ABR: variants seen among roughly 807,000 people sequenced by gnomAD.
The protein encoded by ABR is active breakpoint cluster region-related protein.
In ABR, 35 loss-of-function variants were observed where a neutral mutation model predicts 107.2. That is an observed-to-expected ratio of 0.33 (90% CI 0.25 to 0.43). The LOEUF is 0.43. Among genes scored for constraint, ABR ranks in the 20% least tolerant of loss-of-function variants. The pLI is 1.00. For synonymous variants in ABR, 498 were observed against 462.0 expected, an observed-to-expected ratio of 1.08 and a Z score of -1.00; for missense variants, 815 against 1,115.2, an observed-to-expected ratio of 0.73 and a Z score of 3.83.
intron 2 of ABR, among the ~76,000 whole-genome samples, chr17:1,117,836 T>C (rs2039098281): frequency 3.8e-5 from 3 of 79,932 alleles, no homozygotes; most frequent in Non-Finnish European, 4.7e-5. Context: ...TCCCTGAGCC[T>C]GAGTCCCTCC....
chr17:1,085,530 A>G (rs767025770), intron 4 of ABR, among the ~76,000 whole-genome samples: 13 of 152,190 alleles, frequency 8.5e-5, no homozygotes, highest in Non-Finnish European at 1.6e-4. Context: ...AGTTGAACTA[A>G]TAACAGTGTG....
At chr17:1,211,558 C>G (rs1442177167) in intron 1 of ABR, among the ~76,000 whole-genome samples, 1 of 152,174 alleles carries the variant, frequency 6.6e-6, no homozygotes, top group African/African-American at 2.4e-5. Context: ...TAGATTTCCT[C>G]ATTAATCCCC....
chr17:1,150,532 G>C lies in ABR; in HGVS notation c.62-25165C>G, dbSNP rs2040749395. On this transcript the variant is annotated intron_variant, in intron 1 of 22. Coordinates refer to ENST00000302538, the MANE Select transcript of ABR (RefSeq NM_021962.5). This position sits in a 1 kb window ranked among gnomAD's most constrained non-coding sequence, Gnocchi z 4.8. Reference sequence around the variant, plus strand: ...TACACAGGTTGCCCAAGCGCCGAGAGAGGCCCAGGAGGACGGGCCCCGGGC... The same window carrying C: ...TACACAGGTTGCCCAAGCGCCGAGACAGGCCCAGGAGGACGGGCCCCGGGC... Among the ~76,000 whole-genome samples the C allele has an allele frequency of 6.6e-6, 1 of 152,184 alleles. No homozygotes were observed. The highest frequency in any genetic ancestry group is 1.5e-5 in the Non-Finnish European group (1 of 68,032).
rs1247707075 is a variant in ABR at position 1,070,054 on chromosome 17, C to T, written c.931G>A (p.Val311Met). Residue 311 changes from valine (V) to methionine (M), a missense_variant, in exon 9 of 23, where the codon GTG becomes ATG. By Grantham distance (21) the Val-to-Met change is conservative (BLOSUM62 1). Coordinates refer to ENST00000302538, the MANE Select transcript of ABR (RefSeq NM_021962.5). The surrounding 1 kb of genome is among the most constrained non-coding windows in gnomAD (Gnocchi z 4.2). ...CGCAGCTTCCGGGAGCTCTCTGACA[C>T]TTCCACCAGGAAGCCGTCCTTCACC... ...QLVKDGFLVE[V>M]SESSRKLRHV... 1 of 1,613,676 alleles carries T rather than the reference C, an allele frequency of 6.2e-7. No homozygotes were observed. Among genetic ancestry groups the T allele is most frequent in the Non-Finnish European group, 8.5e-7 (1 of 1,179,960 alleles).
chr17:1,165,148 G>C (rs1044774937), intron 1 of ABR, among the ~76,000 whole-genome samples: 2 of 152,164 alleles, frequency 1.3e-5, no homozygotes, highest in Non-Finnish European at 2.9e-5. Flanking sequence ...CAAAGACCAA[G>C]CTCCCGGCCT....
chr17:1,198,951 G>A (rs1305866790), intron 1 of ABR, among the ~76,000 whole-genome samples: 1 of 149,544 alleles, frequency 6.7e-6, no homozygotes, highest in Non-Finnish European at 1.5e-5. Context: ...CTACTTGGGA[G>A]GCTGAGGTAG....
At chr17:1,214,658 A>G (rs1052169525) in intron 1 of ABR, among the ~76,000 whole-genome samples, 3 of 151,858 alleles carry the variant, frequency 2.0e-5, no homozygotes. Flanking sequence ...AAAATTAGCC[A>G]GGCGTAGTGG....
upstream of ABR, chr17:1,180,001 C>T (rs4076807): frequency 9.5e-6 from 1 of 105,122 alleles, no homozygotes; most frequent in Non-Finnish European, 1.9e-5. Flanking sequence ...GGGGGCGGGG[C>T]GGGGGTGGGG....
At chr17:1,068,728 G>C (rs185673841) in intron 9 of ABR, among the ~76,000 whole-genome samples, 182 of 152,254 alleles carry the variant, frequency 1.2e-3, no homozygotes, top group African/African-American at 4.1e-3. Context: ...CCACCCTCCC[G>C]GGTAGAGAGA....
At chr17:1,185,377 G>C (rs763100405) in intron 1 of ABR, among the ~76,000 whole-genome samples, 8 of 152,170 alleles carry the variant, frequency 5.3e-5, no homozygotes, top group African/African-American at 9.7e-5. Flanking sequence ...AGGCACAGTG[G>C]CTCACGCCTG....
chr17:1,229,224 C>T (rs982971123), exon 1 of ABR, among the ~76,000 whole-genome samples: 1 of 151,634 alleles, frequency 6.6e-6, no homozygotes, highest in African/African-American at 2.4e-5. Context: ...GTCGTCCTCC[C>T]GGGCCCGGAA....
rs1458075931 is a variant in ABR, at chr17:1,157,343, C to T, written c.61+22324G>A. 1.3e-5 allele frequency among the ~76,000 whole-genome samples: 2 copies of T among 151,942 alleles called. No homozygotes were observed. Among genetic ancestry groups the T allele is most frequent in the African/African-American group, 4.8e-5 (2 of 41,416 alleles). ...TTAGCTCACTGCAACCTCCACCTCC[C>T]GGGTTCAAGTAATTCTCCTGCCTCA... On this transcript the variant is annotated intron_variant, in intron 1 of 22. Transcript: ENST00000302538. The surrounding 1 kb of genome is among the most constrained non-coding windows in gnomAD (Gnocchi z 4.7).
chr17:1,167,968 A>G (rs2041576706), intron 1 of ABR, among the ~76,000 whole-genome samples: 2 of 152,010 alleles, frequency 1.3e-5, no homozygotes, highest in South Asian at 2.1e-4. Flanking sequence ...CCTGGCCAAC[A>G]TGGTGAAACC....
At chr17:1,132,589 G>C (rs1597925331) in intron 1 of ABR, among the ~76,000 whole-genome samples, 1 of 151,854 alleles carries the variant, frequency 6.6e-6, no homozygotes, top group African/African-American at 2.4e-5. Context: ...GTGTTAGCCG[G>C]GATGGTCTCC....
At chr17:1,082,678 T>C (rs991820242) in intron 5 of ABR, among the ~76,000 whole-genome samples, 1 of 152,192 alleles carries the variant, frequency 6.6e-6, no homozygotes, top group African/African-American at 2.4e-5. Context: ...TAGTCCAAAT[T>C]TCCTCAAGAC....
intron 1 of ABR, among the ~76,000 whole-genome samples, chr17:1,127,742 G>A (rs994462110): frequency 4.6e-5 from 7 of 152,082 alleles, no homozygotes; most frequent in Admixed American, 2.0e-4. Context: ...CCCAGGGGTC[G>A]CAGGAATGGA....
chr17:1,145,673 A>G (rs9905166), intron 1 of ABR, among the ~76,000 whole-genome samples: 2,065 of 152,338 alleles, frequency 0.014, 34 homozygotes, highest in African/African-American at 0.046. Flanking sequence ...CAGAGAACAG[A>G]CAAGTAATGC....
rs2036463809 is a variant in ABR, at chr17:1,084,444, TCACCTCTTC to T, written c.532-826_532-818del. ...TTCCCTTGGCCTTGAGGCCCCGTCC[TCACCTCTTC>T]CACCTCCTCTACCTCCAAGGAGCCA... On this transcript the variant is annotated intron_variant, in intron 4 of 22. Transcript: ENST00000302538. This position sits in a 1 kb window ranked among gnomAD's most constrained non-coding sequence, Gnocchi z 4.2. Among the ~76,000 whole-genome samples, 1 of 152,192 alleles carries T rather than the reference TCACCTCTTC, an allele frequency of 6.6e-6. No homozygotes were observed. The highest frequency in any genetic ancestry group is 2.4e-5 in the African/African-American group (1 of 41,458).
In ABR at chr17:1,150,547, G is replaced by A. The variant is rs897867484; in HGVS notation, c.62-25180C>T. Reference sequence around the variant, plus strand: ...AGCGCCGAGAGAGGCCCAGGAGGACGGGCCCCGGGCATGGCAAGCGCACTG... The same window carrying A: ...AGCGCCGAGAGAGGCCCAGGAGGACAGGCCCCGGGCATGGCAAGCGCACTG... On this transcript the variant is annotated intron_variant, in intron 1 of 22. Coordinates refer to ENST00000302538, the MANE Select transcript of ABR (RefSeq NM_021962.5). The surrounding 1 kb of genome is among the most constrained non-coding windows in gnomAD (Gnocchi z 4.8). Among the ~76,000 whole-genome samples, 2 of 152,148 alleles carry A rather than the reference G, an allele frequency of 1.3e-5. No individual in the cohort carries two copies. Among genetic ancestry groups the A allele is most frequent in the South Asian group, 4.1e-4 (2 of 4,822 alleles).
Sources: allele counts gnomAD v4.1 joint callset (sites outside exome capture counted in the v4.1 genomes callset), GRCh38; gene constraint gnomAD v4.1.1; non-coding constraint Gnocchi (gnomAD v3.1); transcripts MANE v1.5; gene names NCBI Gene and HGNC (gene_info 2026-07-23, HGNC 2026-07-21).